The following GLIS3 variants were observed in gnomAD, a reference collection of about 807,000 sequenced individuals.
GLIS3 encodes the protein GLIS family zinc finger 3, also known as zinc finger protein GLIS3.
In GLIS3, 53 loss-of-function variants were observed where a neutral mutation model predicts 78.6. The observed-to-expected ratio is 0.67, with a 90% confidence interval of 0.54 to 0.85. The LOEUF (loss-of-function observed/expected upper bound fraction) is 0.85. GLIS3 is among the 40% of genes least tolerant of loss of function. GLIS3 has a pLI of 0.00. For synonymous variants in GLIS3, 684 were observed against 509.9 expected, an observed-to-expected ratio of 1.34 and a Z score of -4.60; for missense variants, 1,703 against 1,231.1, an observed-to-expected ratio of 1.38 and a Z score of -5.74.
chr9:4,104,439 C>A (rs1830604493), intron 4 of GLIS3, among the ~76,000 whole-genome samples: 1 of 152,122 alleles, frequency 6.6e-6, no homozygotes, highest in Non-Finnish European at 1.5e-5. Flanking sequence ...GTAGAAAGAC[C>A]AGACAGAAGG....
chr9:4,181,857 C>T (rs535246982), intron 2 of GLIS3, among the ~76,000 whole-genome samples: 7 of 152,292 alleles, frequency 4.6e-5, no homozygotes, highest in African/African-American at 1.7e-4. Flanking sequence ...ATTATCCAAG[C>T]TAAGGGCCCA....
At position 4,118,705 on chromosome 9, in the gene GLIS3, G is replaced by C; in HGVS notation, c.773C>G (p.Thr258Arg). The change falls in exon 4 of 11, where the codon ACA (threonine) becomes AGA (arginine). Residue 258 changes from threonine to arginine, a missense_variant. By Grantham distance (71) the Thr-to-Arg change is moderately conservative. Transcript: ENST00000381971. The surrounding 1 kb of genome is among the most constrained non-coding windows in gnomAD (Gnocchi z 4.7). ...AGAGACACTATTGCTGGACATGGAT[G>C]TCCCGGGAGGAAGGCTAAGGAGATC... Reference protein sequence around the residue: ...LGDLLSLPPGTSMSSNSVSNS... With the variant: ...LGDLLSLPPGRSMSSNSVSNS... 7 of 1,614,108 alleles carry C rather than the reference G, an allele frequency of 4.3e-6. No individual in the cohort carries two copies. Among genetic ancestry groups the C allele is most frequent in the Non-Finnish European group, 5.1e-6 (6 of 1,180,034 alleles).
At chr9:3,908,712 T>TG (rs200086403) in intron 6 of GLIS3, among the ~76,000 whole-genome samples, 26 of 103,828 alleles carry the variant, frequency 2.5e-4, no homozygotes, top group Non-Finnish European at 3.7e-4. Flanking sequence ...ATTTGTTTTT[T>TG]TTTTTTTTTT....
intron 2 of GLIS3, among the ~76,000 whole-genome samples, chr9:4,242,097 A>T (rs1219214695): frequency 1.3e-5 from 2 of 152,142 alleles, no homozygotes; most frequent in Non-Finnish European, 2.9e-5. Flanking sequence ...AATGAAAAGG[A>T]GTGTGCAGGG....
intron 2 of GLIS3, among the ~76,000 whole-genome samples, chr9:4,220,355 CTTA>C (rs1221269730): frequency 6.6e-6 from 1 of 152,152 alleles, no homozygotes. Flanking sequence ...ACATCAAAAA[CTTA>C]TTAATCACTT....
intron 6 of GLIS3, among the ~76,000 whole-genome samples, chr9:3,905,535 A>C (rs1207043900): frequency 6.6e-6 from 1 of 152,146 alleles, no homozygotes; most frequent in African/African-American, 2.4e-5. Flanking sequence ...ACTTGGTTGC[A>C]TCCTGGCCTA....
At chr9:4,402,124 C>T in the GLIS3 span, among the ~76,000 whole-genome samples, 2 of 152,250 alleles carry the variant, frequency 1.3e-5, no homozygotes, top group Admixed American at 6.5e-5. Context: ...TCAGGTCTGA[C>T]CCACCACAGT....
At chr9:3,948,473 A>C (rs1203004687) in intron 4 of GLIS3, among the ~76,000 whole-genome samples, 1 of 152,156 alleles carries the variant, frequency 6.6e-6, no homozygotes, top group Non-Finnish European at 1.5e-5. Context: ...TCATGCCTGC[A>C]GTGTACTTTG....
chr9:3,918,071 A>T (rs1332076698), intron 6 of GLIS3, among the ~76,000 whole-genome samples: 1 of 152,198 alleles, frequency 6.6e-6, no homozygotes, highest in Non-Finnish European at 1.5e-5. Context: ...CTCTCAAACA[A>T]ATGTGGATGA....
chr9:3,926,023 G>T (rs780809064), intron 6 of GLIS3, among the ~76,000 whole-genome samples: 6 of 152,156 alleles, frequency 3.9e-5, no homozygotes, highest in Non-Finnish European at 5.9e-5. Context: ...TCTTAGATGG[G>T]AGCACTAAGC....
At chr9:4,380,131 G>C in the GLIS3 span, among the ~76,000 whole-genome samples, 1 of 152,158 alleles carries the variant, frequency 6.6e-6, no homozygotes, top group Admixed American at 6.5e-5. Context: ...AACCTAGAAG[G>C]CATCTTGGCT....
the GLIS3 span, among the ~76,000 whole-genome samples, chr9:4,355,020 GT>G: frequency 6.6e-6 from 1 of 152,132 alleles, no homozygotes; most frequent in East Asian, 1.9e-4. Flanking sequence ...GGAGGCTGAA[GT>G]GGGAGAATTG....
chr9:4,415,545 T>C, the GLIS3 span, among the ~76,000 whole-genome samples: 2 of 152,202 alleles, frequency 1.3e-5, no homozygotes, highest in Non-Finnish European at 2.9e-5. Context: ...TCAGCTGGTC[T>C]TGTTCTCGGC....
chr9:4,156,831 A>C (rs550276524), intron 2 of GLIS3, among the ~76,000 whole-genome samples: 15 of 152,166 alleles, frequency 9.9e-5, no homozygotes, highest in Non-Finnish European at 2.2e-4. Flanking sequence ...TCTGAAAAAA[A>C]AATGCCCTCT....
the GLIS3 span, among the ~76,000 whole-genome samples, chr9:4,450,229 A>C: frequency 6.6e-6 from 1 of 152,260 alleles, no homozygotes; most frequent in Non-Finnish European, 1.5e-5. Flanking sequence ...GATTCAATCA[A>C]GTGAAAGAAA....
At chr9:4,242,403 C>T (rs1473346071) in intron 2 of GLIS3, among the ~76,000 whole-genome samples, 1 of 152,132 alleles carries the variant, frequency 6.6e-6, no homozygotes, top group Non-Finnish European at 1.5e-5. Flanking sequence ...GAACAATTCC[C>T]TTTATTCAGG....
chr9:3,857,535 C>T (rs1485064372), intron 8 of GLIS3, among the ~76,000 whole-genome samples: 1 of 152,104 alleles, frequency 6.6e-6, no homozygotes, highest in Non-Finnish European at 1.5e-5. Flanking sequence ...TGTGATGAGA[C>T]TATAGAAGAA....
the GLIS3 span, among the ~76,000 whole-genome samples, chr9:4,459,360 A>G: frequency 6.6e-6 from 1 of 152,248 alleles, no homozygotes; most frequent in African/African-American, 2.4e-5. Context: ...GGGCTATCCA[A>G]TCTTTAGGGA....
chr9:4,211,413 C>A (rs537594090), intron 2 of GLIS3, among the ~76,000 whole-genome samples: 1 of 152,162 alleles, frequency 6.6e-6, no homozygotes, highest in African/African-American at 2.4e-5. Flanking sequence ...ATCTATCAAG[C>A]CTTGCCACCA....
Sources: gnomAD v4.1 joint callset for allele counts (sites outside exome capture counted in the v4.1 genomes callset) on GRCh38, gnomAD v4.1.1 for gene constraint, Gnocchi (gnomAD v3.1) non-coding constraint, MANE v1.5 for transcripts, NCBI Gene and HGNC (gene_info 2026-07-23, HGNC 2026-07-21) for gene names.